Variants in TRPC4 observed in about 807,000 individuals in gnomAD.
The protein encoded by TRPC4 is transient receptor potential cation channel subfamily C member 4, also known as short transient receptor potential channel 4.
Under a neutral mutation model 99.4 loss-of-function variants are expected in TRPC4, and 49 were observed. That is an observed-to-expected ratio of 0.49 (90% CI 0.39 to 0.63). TRPC4 has a LOEUF of 0.63. TRPC4 is among the 20% of genes least tolerant of loss of function. The pLI, the probability that TRPC4 is intolerant of heterozygous loss-of-function variation, is 0.00. For synonymous variants in TRPC4, 454 were observed against 425.9 expected (o/e 1.07, Z -0.81); for missense variants, 898 against 1,152.9 (o/e 0.78, Z 3.20).
At chr13:37,830,809 A>G (rs1958400910) in intron 1 of TRPC4, among the ~76,000 whole-genome samples, 1 of 148,054 alleles carries the variant, frequency 6.8e-6, no homozygotes, top group African/African-American at 2.5e-5. Flanking sequence ...TTTTGTATAT[A>G]TATATATATA....
At chr13:37,714,204 G>A (rs1231225953) in intron 3 of TRPC4, among the ~76,000 whole-genome samples, 1 of 151,456 alleles carries the variant, frequency 6.6e-6, no homozygotes, top group East Asian at 1.9e-4. Flanking sequence ...TTGGCTCACT[G>A]CAACCTCTGC....
At chr13:37,855,790 C>T (rs1423491855) in intron 1 of TRPC4, among the ~76,000 whole-genome samples, 1 of 151,700 alleles carries the variant, frequency 6.6e-6, no homozygotes, top group East Asian at 1.9e-4. Context: ...ACCAGTGCAT[C>T]AATAAAGTAA....
chr13:37,747,612 C>T (rs1380258715), intron 2 of TRPC4, among the ~76,000 whole-genome samples: 3 of 152,108 alleles, frequency 2.0e-5, no homozygotes, highest in Non-Finnish European at 1.5e-5. Context: ...AAAAACGACA[C>T]TCATGATGAC....
intron 3 of TRPC4, among the ~76,000 whole-genome samples, chr13:37,716,537 A>G (rs1360624): frequency 0.47 from 70,645 of 151,922 alleles, 17,086 homozygotes; most frequent in Non-Finnish European, 0.53. Flanking sequence ...AGGCTGAGTT[A>G]TTCTTTTTCA....
chr13:37,654,841 A>G (rs945470200), intron 7 of TRPC4, among the ~76,000 whole-genome samples: 7 of 152,172 alleles, frequency 4.6e-5, no homozygotes, highest in African/African-American at 1.4e-4. Context: ...CCCATAGCCA[A>G]TGGCTGCCTG....
intron 1 of TRPC4, among the ~76,000 whole-genome samples, chr13:37,848,397 A>T (rs1248580222): frequency 6.6e-6 from 1 of 152,178 alleles, no homozygotes; most frequent in African/African-American, 2.4e-5. Context: ...CTATCACAGC[A>T]CCATCCATAG....
intron 2 of TRPC4, among the ~76,000 whole-genome samples, chr13:37,769,108 G>A (rs978881807): frequency 4.6e-5 from 7 of 151,348 alleles, no homozygotes; most frequent in Admixed American, 3.3e-4. Flanking sequence ...GCATTTTAAC[G>A]AAACCTCTGC....
chr13:37,834,542 A>C (rs2139607039), intron 1 of TRPC4, among the ~76,000 whole-genome samples: 1 of 152,328 alleles, frequency 6.6e-6, no homozygotes, highest in African/African-American at 2.4e-5. Context: ...TACTTTCCTC[A>C]TAAATTCCCA....
chr13:37,646,513 C>A (rs1951865155), intron 8 of TRPC4, among the ~76,000 whole-genome samples: 2 of 152,050 alleles, frequency 1.3e-5, no homozygotes, highest in African/African-American at 4.8e-5. Context: ...TGGATCGGGA[C>A]CTTTTGAGCA....
chr13:37,854,663 A>C (rs1366492028), intron 1 of TRPC4, among the ~76,000 whole-genome samples: 1 of 152,130 alleles, frequency 6.6e-6, no homozygotes, highest in African/African-American at 2.4e-5. Context: ...TTGTTTATGC[A>C]ATCAGTATTG....
chr13:37,749,242 C>T (rs1417359044), intron 2 of TRPC4, among the ~76,000 whole-genome samples: 1 of 152,060 alleles, frequency 6.6e-6, no homozygotes, highest in Non-Finnish European at 1.5e-5. Flanking sequence ...AGCCTCTTTC[C>T]TTTATAAATT....
chr13:37,757,782 A>G (rs1240641229), intron 2 of TRPC4, among the ~76,000 whole-genome samples: 1 of 151,972 alleles, frequency 6.6e-6, no homozygotes, highest in East Asian at 1.9e-4. Flanking sequence ...TGAGGCATAA[A>G]CAACCAGAGA....
chr13:37,659,859 G>A (rs901585132), intron 6 of TRPC4, among the ~76,000 whole-genome samples: 4 of 152,170 alleles, frequency 2.6e-5, no homozygotes, highest in Non-Finnish European at 5.9e-5. Context: ...TGGGTGGATT[G>A]TGGTGATGTT....
intron 1 of TRPC4, among the ~76,000 whole-genome samples, chr13:37,785,322 A>G (rs1956941237): frequency 6.6e-6 from 1 of 152,024 alleles, no homozygotes; most frequent in Non-Finnish European, 1.5e-5. Context: ...AGAGTCTATA[A>G]CAGTGTGTGG....
At chr13:37,731,748 TA>T in intron 3 of TRPC4, among the ~76,000 whole-genome samples, 1 of 152,232 alleles carries the variant, frequency 6.6e-6, no homozygotes, top group African/African-American at 2.4e-5. Context: ...TTCCTTTCAT[TA>T]AAATAGTTAA....
intron 6 of TRPC4, among the ~76,000 whole-genome samples, chr13:37,656,813 A>T (rs1240483979): frequency 6.6e-6 from 1 of 152,174 alleles, no homozygotes; most frequent in Non-Finnish European, 1.5e-5. Flanking sequence ...ATAAGGATGA[A>T]GTAGCTGACT....
chr13:37,793,408 G>GTA (rs1011240413), intron 1 of TRPC4, among the ~76,000 whole-genome samples: 2 of 151,322 alleles, frequency 1.3e-5, no homozygotes, highest in Non-Finnish European at 2.9e-5. Context: ...TTAACATTAG[G>GTA]TATATCTCCT....
chr13:37,682,754 T>C (rs558650201), intron 4 of TRPC4, among the ~76,000 whole-genome samples: 71 of 152,034 alleles, frequency 4.7e-4, no homozygotes, highest in Middle Eastern at 6.8e-3. Context: ...TTTTTGTCGT[T>C]GTTGTTATTT....
At chr13:37,739,568 T>C (rs1955518601) in intron 3 of TRPC4, among the ~76,000 whole-genome samples, 1 of 150,758 alleles carries the variant, frequency 6.6e-6, no homozygotes, top group Non-Finnish European at 1.5e-5. Flanking sequence ...TACAGTGGTA[T>C]GATCTCGGCT....
Sources: allele counts gnomAD v4.1 joint callset (sites outside exome capture counted in the v4.1 genomes callset), GRCh38; gene constraint gnomAD v4.1.1; transcripts MANE v1.5; gene names NCBI Gene and HGNC (gene_info 2026-07-23, HGNC 2026-07-21).